Variants in CTNNBL1 observed in about 807,000 individuals in gnomAD.
The protein encoded by CTNNBL1 is beta-catenin-like protein 1.
Under a neutral mutation model 72.7 loss-of-function variants are expected in CTNNBL1, and 31 were observed. The observed-to-expected ratio is 0.43, with a 90% CI of 0.32 to 0.58. The LOEUF (loss-of-function observed/expected upper bound fraction) is 0.58. Ranked by LOEUF, CTNNBL1 falls within the 20% of genes least tolerant of loss-of-function variation. The probability of loss-of-function intolerance (pLI) is 0.08; values close to 1 mark genes in which losing one functional copy is unlikely to be tolerated. For synonymous variants in CTNNBL1, 240 were observed against 267.3 expected (o/e 0.90, Z 1.00); for missense variants, 534 against 725.1 (o/e 0.74, Z 3.03).
chr20:37,849,835 T>G (rs1172293711), intron 13 of CTNNBL1, among the ~76,000 whole-genome samples: 1 of 152,238 alleles, frequency 6.6e-6, no homozygotes, highest in African/African-American at 2.4e-5. Context: ...ATCAAGTTAC[T>G]TAAACTCTCT....
At chr20:37,746,247 G>T (rs1211229473) in intron 3 of CTNNBL1, among the ~76,000 whole-genome samples, 2 of 152,190 alleles carry the variant, frequency 1.3e-5, no homozygotes, top group Non-Finnish European at 2.9e-5. Context: ...AAGAGTAAGG[G>T]AACCCTGTAA....
chr20:37,818,595 G>A (rs751311274), intron 11 of CTNNBL1, among the ~76,000 whole-genome samples: 1 of 152,166 alleles, frequency 6.6e-6, no homozygotes, highest in Admixed American at 6.5e-5. Context: ...CAGAGGACCT[G>A]GACCAGGACA....
intron 13 of CTNNBL1, among the ~76,000 whole-genome samples, chr20:37,852,385 G>C (rs1010185764): frequency 6.6e-6 from 1 of 152,186 alleles, no homozygotes; most frequent in Non-Finnish European, 1.5e-5. Context: ...AGATCCAGGG[G>C]TTGTGTCTTT....
intron 7 of CTNNBL1, among the ~76,000 whole-genome samples, chr20:37,770,517 AG>A (rs1485400057): frequency 1.3e-5 from 2 of 151,532 alleles, no homozygotes; most frequent in Admixed American, 6.6e-5. Context: ...ATACTGATTC[AG>A]GGATCTTCAT....
intron 12 of CTNNBL1, among the ~76,000 whole-genome samples, chr20:37,840,954 A>G (rs1480544024): frequency 6.6e-6 from 1 of 152,222 alleles, no homozygotes; most frequent in African/African-American, 2.4e-5. Context: ...GGATTGGGCT[A>G]TGGAAGCTGG....
chr20:37,840,004 T>G, intron 11 of CTNNBL1, 98 bp from the exon 12 acceptor site: 3 of 806,432 alleles, frequency 3.7e-6, no homozygotes, highest in Non-Finnish European at 6.2e-6. Flanking sequence ...CAGAAAGGCC[T>G]ACTTATTCTG....
In CTNNBL1 at chr20:37,770,455, T is replaced by C. The variant is rs2073512023; in HGVS notation, c.750+2411T>C. On this transcript the variant is annotated intron_variant, in intron 7 of 15. Coordinates refer to ENST00000361383, the MANE Select transcript of CTNNBL1 (RefSeq NM_030877.5). ...GAAATACACAAAATAATTCAATAGT[T>C]TTTTTGTCTCTGTTATGTCGGGACA... is the stretch of plus-strand genomic sequence containing the variant. Among the ~76,000 whole-genome samples the C allele has an allele frequency of 1.3e-5, 2 of 152,132 alleles. 1 individual carries two copies. Among genetic ancestry groups the C allele is most frequent in the South Asian group, 4.1e-4 (2 of 4,828 alleles).
chr20:37,714,817 C>CT (rs1457770427), intron 1 of CTNNBL1, among the ~76,000 whole-genome samples: 2 of 152,008 alleles, frequency 1.3e-5, no homozygotes, highest in Admixed American at 1.3e-4. Flanking sequence ...TTATTGAGTG[C>CT]TTTTTTTGGG....
At chr20:37,826,204 CACTT>C (rs1480865773) in intron 11 of CTNNBL1, among the ~76,000 whole-genome samples, 1 of 152,210 alleles carries the variant, frequency 6.6e-6, no homozygotes, top group African/African-American at 2.4e-5. Context: ...CATACATACT[CACTT>C]CTTGCTGCAA....
intron 7 of CTNNBL1, among the ~76,000 whole-genome samples, chr20:37,774,447 G>A (rs1015723318): frequency 2.6e-5 from 4 of 152,188 alleles, no homozygotes; most frequent in Admixed American, 6.5e-5. Flanking sequence ...AGAGCTCAGC[G>A]TTGGGGAGTT....
chr20:37,763,745 A>G (rs2073439394), intron 5 of CTNNBL1, among the ~76,000 whole-genome samples: 1 of 152,152 alleles, frequency 6.6e-6, no homozygotes, highest in Non-Finnish European at 1.5e-5. Flanking sequence ...TATGGGAAAA[A>G]GTAGAGTTGG....
intron 2 of CTNNBL1, among the ~76,000 whole-genome samples, chr20:37,733,507 T>A (rs765807532): frequency 2.6e-5 from 4 of 152,202 alleles, no homozygotes. Flanking sequence ...AAAGTACAGC[T>A]TAGGGAAGGA....
At chr20:37,757,712 AC>A in intron 5 of CTNNBL1, 56 bp downstream of exon 5, 1 of 1,341,514 alleles carries the variant, frequency 7.5e-7, no homozygotes, top group Non-Finnish European at 1.1e-6. Flanking sequence ...TGGCATTGCC[AC>A]CACCATCGTC....
At chr20:37,797,012 C>T (rs1247594760) in intron 10 of CTNNBL1, among the ~76,000 whole-genome samples, 2 of 152,180 alleles carry the variant, frequency 1.3e-5, no homozygotes, top group Admixed American at 1.3e-4. Context: ...CATGTAGGTT[C>T]ATGAGAGCTG....
At chr20:37,860,997 G>A (rs1055991124) in intron 15 of CTNNBL1, among the ~76,000 whole-genome samples, 1 of 152,184 alleles carries the variant, frequency 6.6e-6, no homozygotes, top group Non-Finnish European at 1.5e-5. Context: ...GGCATCCATC[G>A]GGGGTCTTGG....
rs1396507711 is a variant in CTNNBL1 at position 37,779,345 on chromosome 20, G to A, written c.1031+10G>A. 6 of 1,612,282 alleles carry A rather than the reference G, an allele frequency of 3.7e-6. No individual in the cohort carries two copies. The highest frequency in any genetic ancestry group is 5.1e-6 in the Non-Finnish European group (6 of 1,178,752). The stretch of plus-strand genomic sequence containing the variant: ...TGAATCTCATGCTCAGGTATGTTTC[G>A]AATGCCCTAGTTCTCCCACCTTTTT... On this transcript the variant is annotated intron_variant, in intron 10 of 15. Transcript: ENST00000361383.
chr20:37,694,948 T>A (rs1384667094), intron 1 of CTNNBL1: 1 of 152,250 alleles, frequency 6.6e-6, no homozygotes, highest in Non-Finnish European at 1.5e-5. Flanking sequence ...CGAGGAGCAG[T>A]AGAGCTGCAC....
chr20:37,779,541 T>C (rs2073607771), intron 10 of CTNNBL1, among the ~76,000 whole-genome samples: 4 of 152,086 alleles, frequency 2.6e-5, no homozygotes, highest in Admixed American at 6.6e-5. Context: ...AAAAAGTATA[T>C]TGTGTTCTGT....
At chr20:37,783,032 C>T (rs896900528) in intron 10 of CTNNBL1, among the ~76,000 whole-genome samples, 4 of 152,144 alleles carry the variant, frequency 2.6e-5, no homozygotes, top group African/African-American at 7.2e-5. Flanking sequence ...TTCTTTTTAT[C>T]ACTCCCAAAG....
Sources: allele counts gnomAD v4.1 joint callset (sites outside exome capture counted in the v4.1 genomes callset), GRCh38; gene constraint gnomAD v4.1.1; transcripts MANE v1.5; gene names NCBI Gene and HGNC (gene_info 2026-07-23, HGNC 2026-07-21).